Variants in GRIK4 observed in about 807,000 individuals in gnomAD.
The protein encoded by GRIK4 is glutamate ionotropic receptor kainate type subunit 4.
GRIK4 carries 40 observed loss-of-function variants against 104.9 expected under a neutral mutation model. The observed-to-expected ratio is 0.38, with a 90% confidence interval of 0.30 to 0.50. The LOEUF is 0.50. GRIK4 is among the 20% of genes least tolerant of loss of function. The probability of loss-of-function intolerance (pLI) is 0.93; values close to 1 mark genes in which losing one functional copy is unlikely to be tolerated. For missense variants in GRIK4, 1,047 were observed against 1,308.1 expected (o/e 0.80, Z 3.08); for synonymous variants, 485 against 524.9 (o/e 0.92, Z 1.04).
intron 1 of GRIK4, among the ~76,000 whole-genome samples, chr11:120,572,944 C>G (rs1948419993): frequency 6.6e-6 from 1 of 152,162 alleles, no homozygotes. Flanking sequence ...ACCATTGGAC[C>G]CAAAGCCGTT....
chr11:120,736,767 T>C (rs932063100), intron 3 of GRIK4, among the ~76,000 whole-genome samples: 4 of 150,680 alleles, frequency 2.7e-5, no homozygotes, highest in Admixed American at 2.0e-4. Context: ...ATATTCTCTC[T>C]CTCTCTCTCT....
At chr11:120,816,975 G>T (rs1320713305) in intron 5 of GRIK4, among the ~76,000 whole-genome samples, 1 of 152,136 alleles carries the variant, frequency 6.6e-6, no homozygotes, top group Non-Finnish European at 1.5e-5. Flanking sequence ...GGCCCAGGAA[G>T]TTAGACCTCA....
chr11:120,558,706 G>A (rs1948210791), intron 1 of GRIK4, among the ~76,000 whole-genome samples: 1 of 152,240 alleles, frequency 6.6e-6, no homozygotes. Context: ...CATAAATGAT[G>A]GAAAATTAAC....
intron 3 of GRIK4, among the ~76,000 whole-genome samples, chr11:120,663,412 C>G (rs1057253408): frequency 6.6e-6 from 1 of 152,202 alleles, no homozygotes; most frequent in African/African-American, 2.4e-5. Context: ...GACTCCTCTT[C>G]CAGTGCTCTC....
intron 1 of GRIK4, among the ~76,000 whole-genome samples, chr11:120,589,838 C>T (rs1948713836): frequency 6.6e-6 from 1 of 152,178 alleles, no homozygotes; most frequent in South Asian, 2.1e-4. Flanking sequence ...ACACACAGTC[C>T]TGCTTGGGCA....
intron 13 of GRIK4, among the ~76,000 whole-genome samples, chr11:120,918,657 C>T (rs1027771244): frequency 2.6e-5 from 4 of 152,106 alleles, no homozygotes; most frequent in African/African-American, 9.7e-5. Context: ...CTCAGAGGGC[C>T]AATCTTTATA....
chr11:120,891,629 C>T (rs573497959), intron 11 of GRIK4, among the ~76,000 whole-genome samples: 45 of 152,298 alleles, frequency 3.0e-4, no homozygotes, highest in Non-Finnish European at 6.0e-4. Flanking sequence ...AAGCTAGGCA[C>T]TGTGCCAGGC....
At chr11:120,567,003 G>A (rs998448143) in intron 1 of GRIK4, among the ~76,000 whole-genome samples, 6 of 133,302 alleles carry the variant, frequency 4.5e-5, no homozygotes, top group African/African-American at 1.9e-4. Flanking sequence ...TTGAGACAAG[G>A]TCTTGTTGTG....
intron 3 of GRIK4, among the ~76,000 whole-genome samples, chr11:120,753,052 C>T (rs926896408): frequency 1.3e-5 from 2 of 152,242 alleles, no homozygotes; most frequent in African/African-American, 4.8e-5. Context: ...TGGATGGGGA[C>T]TCCCGAATGA....
At chr11:120,947,179 G>A (rs765993375) in intron 14 of GRIK4, among the ~76,000 whole-genome samples, 9 of 152,244 alleles carry the variant, frequency 5.9e-5, no homozygotes, top group South Asian at 2.1e-4. Context: ...CGAGGCAGGC[G>A]GATTATGAGG....
intron 1 of GRIK4, among the ~76,000 whole-genome samples, chr11:120,571,176 C>T (rs561542862): frequency 2.0e-5 from 3 of 152,304 alleles, no homozygotes; most frequent in African/African-American, 7.2e-5. Context: ...TTTTGCCTTT[C>T]CCTGATTTAC....
At chr11:120,550,979 G>A (rs1948133959) in intron 1 of GRIK4, among the ~76,000 whole-genome samples, 1 of 152,110 alleles carries the variant, frequency 6.6e-6, no homozygotes, top group African/African-American at 2.4e-5. Context: ...ACAGTGAAGG[G>A]CATGATCTAA....
Position 120,794,301 on chromosome 11 carries a change from G to A in GRIK4, c.83-8392G>A, listed in dbSNP as rs565866229. On this transcript the variant is annotated intron_variant, in intron 3 of 20. Transcript: ENST00000527524. ...CTGAGAGCCAGGCGATGGTTGGAGG[G>A]GAAGGGTGGTGTTAGGGGCTGAGAG... Among the ~76,000 whole-genome samples the A allele has an allele frequency of 6.0e-5, 9 of 151,136 alleles. No homozygotes were observed. The Middle Eastern group carries it at 0.01, about 174-fold the overall frequency.
intron 1 of GRIK4, among the ~76,000 whole-genome samples, chr11:120,532,082 T>C (rs1218742176): frequency 1.4e-4 from 22 of 152,132 alleles, no homozygotes; most frequent in Non-Finnish European, 2.9e-4. Flanking sequence ...GGTGCACGAT[T>C]GAACACGGAG....
chr11:120,966,831 T>C (rs1021570480), intron 18 of GRIK4, among the ~76,000 whole-genome samples: 2 of 152,166 alleles, frequency 1.3e-5, no homozygotes, highest in Non-Finnish European at 2.9e-5. Context: ...TAGACCATCT[T>C]TTTAATTTAG....
At chr11:120,575,109 A>G (rs1169209241) in intron 1 of GRIK4, among the ~76,000 whole-genome samples, 4 of 152,308 alleles carry the variant, frequency 2.6e-5, no homozygotes, top group South Asian at 2.1e-4. Flanking sequence ...TCAGCTCCAG[A>G]GGACCCTGTT....
intron 3 of GRIK4, among the ~76,000 whole-genome samples, chr11:120,725,559 G>A (rs1951014705): frequency 6.6e-6 from 1 of 152,128 alleles, no homozygotes; most frequent in Non-Finnish European, 1.5e-5. Context: ...GAACTAGGGA[G>A]GGGCAAGGAA....
chr11:120,727,977 G>A (rs963635978), intron 3 of GRIK4, among the ~76,000 whole-genome samples: 4 of 152,008 alleles, frequency 2.6e-5, no homozygotes, highest in Non-Finnish European at 5.9e-5. Context: ...AGGCATCCCT[G>A]TGAAGCAAAA....
chr11:120,661,876 C>T (rs546531148), intron 3 of GRIK4, among the ~76,000 whole-genome samples: 12 of 152,302 alleles, frequency 7.9e-5, no homozygotes, highest in Admixed American at 5.2e-4. Context: ...CCCTCTTCTC[C>T]GTTCATTTTT....
Sources: allele counts gnomAD v4.1 joint callset (sites outside exome capture counted in the v4.1 genomes callset), GRCh38; gene constraint gnomAD v4.1.1; transcripts MANE v1.5; gene names NCBI Gene and HGNC (gene_info 2026-07-23, HGNC 2026-07-21).